Variants in SMOC1 observed in about 807,000 individuals in gnomAD.
The protein encoded by SMOC1 is SPARC related modular calcium binding 1.
SMOC1 carries 22 observed loss-of-function variants against 56.3 expected under a neutral mutation model. The observed-to-expected ratio is 0.39, with a 90% CI of 0.28 to 0.56. The LOEUF (loss-of-function observed/expected upper bound fraction) is 0.56, where lower values mean the gene tolerates loss of function less well. Among genes scored for constraint, SMOC1 ranks in the 20% least tolerant of loss-of-function variants. The probability of loss-of-function intolerance (pLI) is 0.61; values close to 1 mark genes in which losing one functional copy is unlikely to be tolerated. For synonymous variants in SMOC1, 193 were observed against 215.0 expected (o/e 0.90, Z 0.89); for missense variants, 509 against 565.4 (o/e 0.90, Z 1.01).
chr14:69,964,149 C>T (rs1399251384), intron 3 of SMOC1, among the ~76,000 whole-genome samples: 2 of 152,184 alleles, frequency 1.3e-5, no homozygotes, highest in Non-Finnish European at 2.9e-5. Context: ...TGGGTGCTCC[C>T]AGCTGGGCAT....
Position 70,011,519 on chromosome 14 carries a change from G to C in SMOC1, c.892G>C (p.Ala298Pro). The change falls in exon 9 of 12, where the codon GCC becomes CCC. Residue 298 changes from alanine to proline, a missense_variant. Coordinates refer to ENST00000361956, the MANE Select transcript of SMOC1 (RefSeq NM_001034852.3). ...VMPSCESDAR[A>P]KTTEADDPFK... ...GCCCAGTTGTGAGAGCGACGCCAGGGCCAAGACTACAGAGGCGGATGACCC... is the reference window on the plus strand; with the variant it reads ...GCCCAGTTGTGAGAGCGACGCCAGGCCCAAGACTACAGAGGCGGATGACCC... 2 of 1,613,478 alleles carry C rather than the reference G, an allele frequency of 1.2e-6. No homozygotes were observed. The highest frequency in any genetic ancestry group is 1.7e-6 in the Non-Finnish European group (2 of 1,179,762).
chr14:69,994,345 C>T (rs529546511), intron 6 of SMOC1, 55 bp from the exon 7 acceptor site: 38 of 1,365,956 alleles, frequency 2.8e-5, no homozygotes, highest in Admixed American at 5.0e-5. Context: ...GTTACACTTC[C>T]ACTCACATAG....
At chr14:69,985,012 T>G in intron 5 of SMOC1, among the ~76,000 whole-genome samples, 1 of 148,602 alleles carries the variant, frequency 6.7e-6, no homozygotes. Context: ...CCAGCCTTGG[T>G]GATGGAGTGA....
intron 1 of SMOC1, among the ~76,000 whole-genome samples, chr14:69,933,615 C>T (rs11620760): frequency 0.027 from 4,124 of 150,570 alleles, 60 homozygotes; most frequent in African/African-American, 0.034. Flanking sequence ...CTGCAACCTG[C>T]GCCTCCTGGG....
At position 70,023,451 on chromosome 14, in the gene SMOC1, AGTGCTCTCCCCT is replaced by A. The variant is rs757791380; in HGVS notation, c.1291+11_1291+22del. Reference sequence around the variant, plus strand: ...TGCCTGGGTGTTAGCAAAGAAGGTGAGTGCTCTCCCCTGTGCTCCTGGCCTTTCAATACTTGC... The same window carrying A: ...TGCCTGGGTGTTAGCAAAGAAGGTGAGTGCTCCTGGCCTTTCAATACTTGC... On this transcript the variant is annotated splice_donor_5th_base_variant and intron_variant, in intron 11 of 11. Coordinates refer to ENST00000361956, the MANE Select transcript of SMOC1 (RefSeq NM_001034852.3). The A allele has an allele frequency of 6.2e-7, 1 of 1,613,850 alleles. No homozygotes were observed. Among genetic ancestry groups the A allele is most frequent in the Non-Finnish European group, 8.5e-7 (1 of 1,180,020 alleles).
At chr14:69,937,356 T>C (rs1339117445) in intron 1 of SMOC1, among the ~76,000 whole-genome samples, 1 of 152,242 alleles carries the variant, frequency 6.6e-6, no homozygotes, top group Admixed American at 6.5e-5. Context: ...TACAGGTTTT[T>C]ATCCTTAAAA....
rs371270346 is a variant in SMOC1, at chr14:70,013,508, G to C, written c.1046+17G>C. On this transcript the variant is annotated intron_variant, in intron 10 of 11. Transcript: ENST00000361956. ...AGGTGGGAGGTGAGATTGTGAGCAGGAATCAGGCCCAGGAGAAAAATGTGG... is the reference window on the plus strand; with the variant it reads ...AGGTGGGAGGTGAGATTGTGAGCAGCAATCAGGCCCAGGAGAAAAATGTGG... 6.2e-7 allele frequency: 1 copy of C among 1,611,308 alleles called. No homozygotes were observed. The highest frequency in any genetic ancestry group is 8.5e-7 in the Non-Finnish European group (1 of 1,177,682).
chr14:69,891,569 C>T (rs896504781), intron 1 of SMOC1, among the ~76,000 whole-genome samples: 2 of 152,102 alleles, frequency 1.3e-5, no homozygotes, highest in Non-Finnish European at 2.9e-5. Context: ...ACCCCCTGAA[C>T]TGCATCTGCT....
intron 1 of SMOC1, chr14:69,886,112 T>A: frequency 6.5e-7 from 1 of 1,547,238 alleles, no homozygotes; most frequent in Non-Finnish European, 8.8e-7. Context: ...AGCCACCTTC[T>A]TTCCCTTGGC....
Position 69,955,069 on chromosome 14 carries a change from A to AT in SMOC1, c.378+1541dup, listed in dbSNP as rs1044373354. Among the ~76,000 whole-genome samples, 60 of 152,160 alleles carry AT rather than the reference A, an allele frequency of 3.9e-4. No homozygotes were observed. The Middle Eastern group carries it at 0.031, about 78-fold the overall frequency. On this transcript the variant is annotated intron_variant, in intron 3 of 11. Transcript: ENST00000361956. ...ACCCTGGGAGAGGTGCTTTTAATTC[A>AT]TTTTGTCATTTAAGCCTCACCACAA...
chr14:69,959,588 TCCC>T (rs1209101378), intron 3 of SMOC1, among the ~76,000 whole-genome samples: 1 of 152,178 alleles, frequency 6.6e-6, no homozygotes, highest in Non-Finnish European at 1.5e-5. Context: ...CTACCACTTC[TCCC>T]ATTTTCTAAT....
intron 10 of SMOC1, among the ~76,000 whole-genome samples, chr14:70,019,112 C>T (rs1206320995): frequency 6.6e-6 from 1 of 152,200 alleles, no homozygotes; most frequent in Non-Finnish European, 1.5e-5. Flanking sequence ...AGAAGCAAAA[C>T]TGAAAGTGCT....
chr14:69,960,533 A>G (rs1350002138), intron 3 of SMOC1, among the ~76,000 whole-genome samples: 2 of 152,054 alleles, frequency 1.3e-5, no homozygotes, highest in Non-Finnish European at 2.9e-5. Context: ...TTATGTACAG[A>G]TGGTATAAAT....
At chr14:69,884,772 T>C (rs1381044358) in intron 1 of SMOC1, among the ~76,000 whole-genome samples, 1 of 152,222 alleles carries the variant, frequency 6.6e-6, no homozygotes, top group East Asian at 1.9e-4. Flanking sequence ...GGCTCTGTCT[T>C]CTGTTCCATT....
At chr14:69,954,884 C>T (rs1379855546) in intron 3 of SMOC1, among the ~76,000 whole-genome samples, 1 of 152,078 alleles carries the variant, frequency 6.6e-6, no homozygotes, top group African/African-American at 2.4e-5. Flanking sequence ...CCAGGTGGGA[C>T]ACAGTGGATT....
chr14:69,883,845 AT>A (rs1380945448), intron 1 of SMOC1, among the ~76,000 whole-genome samples: 2 of 134,000 alleles, frequency 1.5e-5, no homozygotes, highest in East Asian at 4.7e-4. Flanking sequence ...GTGGTATCTC[AT>A]TGTGGTTTGA....
At chr14:69,902,963 C>T (rs191122075) in intron 1 of SMOC1, among the ~76,000 whole-genome samples, 14 of 152,104 alleles carry the variant, frequency 9.2e-5, no homozygotes, top group African/African-American at 2.4e-4. Context: ...GATCTCGGCT[C>T]GCTGCAACCT....
chr14:70,002,005 T>A (rs557518774), intron 7 of SMOC1, among the ~76,000 whole-genome samples: 2 of 152,322 alleles, frequency 1.3e-5, no homozygotes, highest in East Asian at 3.9e-4. Flanking sequence ...CACTTACTAC[T>A]GCTTTTAGCC....
intron 5 of SMOC1, among the ~76,000 whole-genome samples, chr14:69,990,721 T>G (rs988674806): frequency 2.9e-4 from 44 of 152,234 alleles, no homozygotes; most frequent in African/African-American, 9.9e-4. Flanking sequence ...AAAAGATGCC[T>G]GTTTTGGACT....
Sources: allele counts gnomAD v4.1 joint callset (sites outside exome capture counted in the v4.1 genomes callset), GRCh38; gene constraint gnomAD v4.1.1; transcripts MANE v1.5; gene names NCBI Gene and HGNC (gene_info 2026-07-23, HGNC 2026-07-21).